Variants in ADAMTS6 observed in about 807,000 individuals in gnomAD.
ADAMTS6 encodes A disintegrin and metalloproteinase with thrombospondin motifs 6.
In ADAMTS6, 23 loss-of-function variants were observed where a neutral mutation model predicts 144.3. The observed-to-expected ratio is 0.16, with a 90% CI of 0.11 to 0.23. The LOEUF (loss-of-function observed/expected upper bound fraction) is 0.23, where lower values mean the gene tolerates loss of function less well. ADAMTS6 is among the 10% of genes least tolerant of loss of function. The probability of loss-of-function intolerance (pLI) is 1.00; values close to 1 mark genes in which losing one functional copy is unlikely to be tolerated. For missense variants in ADAMTS6, 999 were observed against 1,379.6 expected (o/e 0.72, Z 4.37); for synonymous variants, 444 against 457.5 (o/e 0.97, Z 0.38).
chr5:65,434,331 G>GC (rs1448787973), intron 7 of ADAMTS6, among the ~76,000 whole-genome samples: 5 of 151,990 alleles, frequency 3.3e-5, no homozygotes, highest in African/African-American at 1.2e-4. Flanking sequence ...TGATGGTTGC[G>GC]CAAGTCTATG....
rs10584577 is a variant in ADAMTS6 at position 65,216,782 on chromosome 5, T to TACACACACACACACAC, written c.2273-1311_2273-1296dup. On this transcript the variant is annotated intron_variant, in intron 18 of 24. Coordinates refer to ENST00000381055, the MANE Select transcript of ADAMTS6 (RefSeq NM_197941.4). ...CTTTAAAAAAATCTCTTACAAGAAA[T>TACACACACACACACAC]ACACACACACACACACACACACACA... Among the ~76,000 whole-genome samples the TACACACACACACACAC allele has an allele frequency of 1.5e-3, 226 of 148,622 alleles. 1 individual carries two copies. Among genetic ancestry groups the TACACACACACACACAC allele is most frequent in the African/African-American group, 3.6e-3 (146 of 40,364 alleles).
At chr5:65,366,336 TTCATTC>T (rs1324542793) in intron 7 of ADAMTS6, among the ~76,000 whole-genome samples, 7 of 152,228 alleles carry the variant, frequency 4.6e-5, no homozygotes, top group Non-Finnish European at 1.0e-4. Context: ...CTATAACATT[TTCATTC>T]CGACAATGTC....
At chr5:65,318,912 T>A (rs1380866005) in intron 9 of ADAMTS6, among the ~76,000 whole-genome samples, 1 of 152,150 alleles carries the variant, frequency 6.6e-6, no homozygotes, top group African/African-American at 2.4e-5. Context: ...AAAGGATACA[T>A]GCTTGAGGGG....
intron 8 of ADAMTS6, among the ~76,000 whole-genome samples, chr5:65,332,287 G>GTATATATA (rs367547551): frequency 7.3e-4 from 86 of 117,954 alleles, no homozygotes; most frequent in Admixed American, 1.3e-3. Flanking sequence ...GACAGTGAGG[G>GTATATATA]TATATATATA....
rs1751999846 is a variant in ADAMTS6, at chr5:65,149,122, C to T, written c.*2714G>A. The T allele has an allele frequency of 6.6e-6, 1 of 152,576 alleles. No homozygotes were observed. The highest frequency in any genetic ancestry group is 2.1e-4 in the South Asian group (1 of 4,832). 9.5% of individuals were successfully genotyped at this position (152,576 alleles called of 1,614,324 possible). ...GGGTTTAATCATTAGGGTACATTTACCGTTCCTTTTTTAGTAGGACTTTAT... is the reference window on the plus strand; with the variant it reads ...GGGTTTAATCATTAGGGTACATTTATCGTTCCTTTTTTAGTAGGACTTTAT... On this transcript the variant is annotated 3_prime_UTR_variant, in exon 25 of 25. Transcript: ENST00000381055.
intron 4 of ADAMTS6, among the ~76,000 whole-genome samples, chr5:65,458,212 C>A (rs945020281): frequency 5.3e-5 from 8 of 152,206 alleles, no homozygotes; most frequent in Non-Finnish European, 1.2e-4. Flanking sequence ...TGTAAGTTGT[C>A]TTTTTCTGGT....
chr5:65,362,294 C>T (rs1310092125), intron 7 of ADAMTS6, among the ~76,000 whole-genome samples: 1 of 152,190 alleles, frequency 6.6e-6, no homozygotes, highest in Non-Finnish European at 1.5e-5. Context: ...TACCATTTGG[C>T]AAGCATCTCA....
chr5:65,414,148 T>A (rs1330312290), intron 7 of ADAMTS6, among the ~76,000 whole-genome samples: 9 of 152,162 alleles, frequency 5.9e-5, no homozygotes, highest in Non-Finnish European at 1.3e-4. Flanking sequence ...CCTTGCTAAG[T>A]TTTCCCCAGT....
At position 65,236,967 on chromosome 5, in the gene ADAMTS6, G is replaced by A. The variant is rs114994630; in HGVS notation, c.1933+5137C>T. Among the ~76,000 whole-genome samples, 504 of 152,092 alleles carry A rather than the reference G, an allele frequency of 3.3e-3. 3 individuals carry two copies. Among genetic ancestry groups the A allele is most frequent in the African/African-American group, 0.012 (483 of 41,522 alleles). On this transcript the variant is annotated intron_variant, in intron 15 of 24. Coordinates refer to ENST00000381055, the MANE Select transcript of ADAMTS6 (RefSeq NM_197941.4). ...AACACAAATTATCAATACCAGAAAT[G>A]AAAGCATACATCACTACATATTTTA...
At chr5:65,170,070 AAGAG>A (rs1753519414) in intron 24 of ADAMTS6, among the ~76,000 whole-genome samples, 1 of 152,202 alleles carries the variant, frequency 6.6e-6, no homozygotes, top group South Asian at 2.1e-4. Context: ...ACAAAACAGA[AAGAG>A]AAATTCCAGA....
chr5:65,226,241 G>A, intron 15 of ADAMTS6, 22 bp from the exon 16 acceptor site: 2 of 1,607,140 alleles, frequency 1.2e-6, no homozygotes, highest in Non-Finnish European at 1.7e-6. Flanking sequence ...CAGTAGAAGA[G>A]AAATAAGTGG....
At chr5:65,183,853 A>G (rs1346098112) in intron 22 of ADAMTS6, among the ~76,000 whole-genome samples, 1 of 152,156 alleles carries the variant, frequency 6.6e-6, no homozygotes, top group African/African-American at 2.4e-5. Context: ...TATTAGTAAT[A>G]ATTAGAAATT....
chr5:65,219,909 A>C (rs1561292691), intron 18 of ADAMTS6, among the ~76,000 whole-genome samples: 1 of 152,242 alleles, frequency 6.6e-6, no homozygotes, highest in Non-Finnish European at 1.5e-5. Context: ...AAACAAATCC[A>C]CAATTCTAAT....
At chr5:65,353,801 T>G (rs1284970849) in intron 7 of ADAMTS6, among the ~76,000 whole-genome samples, 1 of 151,936 alleles carries the variant, frequency 6.6e-6, no homozygotes, top group Admixed American at 6.6e-5. Context: ...GGAGTTAGTC[T>G]CTTCCAACAT....
chr5:65,296,727 G>A (rs1473339987), intron 10 of ADAMTS6, among the ~76,000 whole-genome samples: 3 of 152,164 alleles, frequency 2.0e-5, no homozygotes. Flanking sequence ...AACTCCGACT[G>A]TAACATTGCT....
intron 7 of ADAMTS6, among the ~76,000 whole-genome samples, chr5:65,412,490 A>G (rs957956109): frequency 1.3e-5 from 2 of 152,104 alleles, no homozygotes; most frequent in Non-Finnish European, 2.9e-5. Flanking sequence ...TACCAAAACA[A>G]TGCCCTTTAA....
intron 18 of ADAMTS6, among the ~76,000 whole-genome samples, chr5:65,220,719 C>T (rs757868948): frequency 1.3e-5 from 2 of 151,986 alleles, no homozygotes; most frequent in Non-Finnish European, 2.9e-5. Flanking sequence ...TGCACTCCAG[C>T]CTGGGCAACA....
rs758603401 is a variant in ADAMTS6 at position 65,329,492 on chromosome 5, A to G, written c.1118-9T>C. Reference sequence around the variant, plus strand: ...AGCCACAGAGGCCAAGCCTGAATAAACAGAAAGAGACACAAAGGGTCAAGC... The same window carrying G: ...AGCCACAGAGGCCAAGCCTGAATAAGCAGAAAGAGACACAAAGGGTCAAGC... On this transcript the variant is annotated splice_polypyrimidine_tract_variant and intron_variant, in intron 8 of 24. Transcript: ENST00000381055. 6.2e-7 allele frequency: 1 copy of G among 1,602,690 alleles called. No homozygotes were observed. The highest frequency in any genetic ancestry group is 8.5e-7 in the Non-Finnish European group (1 of 1,175,720).
chr5:65,278,841 T>C (rs1762764753), intron 11 of ADAMTS6, among the ~76,000 whole-genome samples: 1 of 152,226 alleles, frequency 6.6e-6, no homozygotes, highest in African/African-American at 2.4e-5. Context: ...GACATTTATC[T>C]TACCTTAGCA....
Sources: gnomAD v4.1 joint callset for allele counts (sites outside exome capture counted in the v4.1 genomes callset) on GRCh38, gnomAD v4.1.1 for gene constraint, MANE v1.5 for transcripts, NCBI Gene and HGNC (gene_info 2026-07-23, HGNC 2026-07-21) for gene names.